The following NAALADL2 variants were observed in gnomAD, a reference collection of about 807,000 sequenced individuals.
The protein encoded by NAALADL2 is N-acetylated alpha-linked acidic dipeptidase like 2, also known as inactive N-acetylated-alpha-linked acidic dipeptidase-like protein 2.
A neutral mutation model predicts 87.2 loss-of-function variants in NAALADL2; 76 were observed. The observed-to-expected ratio is 0.87, with a 90% CI of 0.72 to 1.05. The LOEUF (loss-of-function observed/expected upper bound fraction) is 1.05, where lower values mean the gene tolerates loss of function less well. Among genes scored for constraint, NAALADL2 ranks in the 50% least tolerant of loss-of-function variants. NAALADL2 has a pLI of 0.00. For synonymous variants in NAALADL2, 354 were observed against 331.0 expected, an observed-to-expected ratio of 1.07 and a Z score of -0.75; for missense variants, 1,089 against 945.8, an observed-to-expected ratio of 1.15 and a Z score of -1.99.
rs145048722 is a variant in NAALADL2 at position 175,029,409 on chromosome 3, A to T, written c.44-67381A>T. Among the ~76,000 whole-genome samples the T allele has an allele frequency of 5.5e-4, 83 of 152,132 alleles. 1 individual carries two copies. The East Asian group carries it at 0.016, about 28-fold the overall frequency. On this transcript the variant is annotated intron_variant, in intron 1 of 13. Coordinates refer to ENST00000454872, the MANE Select transcript of NAALADL2 (RefSeq NM_207015.3). Reference sequence around the variant, plus strand: ...TGACTGGTTTCTTGCCAAAGCTTGCACCAGGCAAGGTTTACTAAAAACACA... The same window carrying T: ...TGACTGGTTTCTTGCCAAAGCTTGCTCCAGGCAAGGTTTACTAAAAACACA...
intron 12 of NAALADL2, among the ~76,000 whole-genome samples, chr3:175,740,985 A>G (rs189462962): frequency 1.3e-5 from 2 of 152,296 alleles, no homozygotes; most frequent in East Asian, 3.9e-4. Flanking sequence ...TATTTTGATG[A>G]CAGTGATCTA....
At chr3:175,740,416 C>T (rs918844666) in intron 12 of NAALADL2, among the ~76,000 whole-genome samples, 1 of 152,226 alleles carries the variant, frequency 6.6e-6, no homozygotes. Context: ...AGTGACTCCA[C>T]CTTGAATGAG....
At chr3:175,333,318 G>A (rs1265357112) in intron 5 of NAALADL2, among the ~76,000 whole-genome samples, 1 of 152,208 alleles carries the variant, frequency 6.6e-6, no homozygotes, top group Non-Finnish European at 1.5e-5. Flanking sequence ...CTGTGTTGCA[G>A]CCCTATTTCT....
intron 9 of NAALADL2, among the ~76,000 whole-genome samples, chr3:175,519,721 G>A (rs892400736): frequency 3.3e-5 from 5 of 152,004 alleles, no homozygotes; most frequent in African/African-American, 7.2e-5. Flanking sequence ...AAGATAAGGT[G>A]TATCACTAGA....
At chr3:174,965,966 G>T (rs566592302) in intron 1 of NAALADL2, among the ~76,000 whole-genome samples, 2 of 152,090 alleles carry the variant, frequency 1.3e-5, no homozygotes, top group African/African-American at 4.8e-5. Context: ...CAATGAATTT[G>T]CTATGGAAGT....
chr3:175,006,568 A>AT lies in NAALADL2; in HGVS notation c.44-90213dup, dbSNP rs201770964. On this transcript the variant is annotated intron_variant, in intron 1 of 13. Coordinates refer to ENST00000454872, the MANE Select transcript of NAALADL2 (RefSeq NM_207015.3). ...AAATGCAGTTATAGCTGGTGCAAGTATTTTTTTTTCTTGTTTCTTTTTTTT... is the reference window on the plus strand; with the variant it reads ...AAATGCAGTTATAGCTGGTGCAAGTATTTTTTTTTTCTTGTTTCTTTTTTTT... Among the ~76,000 whole-genome samples, 1,118 of 150,018 alleles carry AT rather than the reference A, an allele frequency of 7.5e-3. 6 individuals are homozygous for AT. The highest frequency in any genetic ancestry group is 0.021 in the Middle Eastern group (6 of 290).
intron 1 of NAALADL2, among the ~76,000 whole-genome samples, chr3:175,074,435 G>A (rs1716218365): frequency 6.6e-6 from 1 of 151,770 alleles, no homozygotes; most frequent in African/African-American, 2.4e-5. Flanking sequence ...TAGCATCCTG[G>A]GTACTACTGT....
intron 2 of NAALADL2, among the ~76,000 whole-genome samples, chr3:175,148,119 AT>A (rs1731038493): frequency 6.8e-6 from 1 of 147,360 alleles, no homozygotes; most frequent in Non-Finnish European, 1.5e-5. Context: ...AATAATAATA[AT>A]AATAAAATAA....
At chr3:175,684,631 TAAAC>T (rs935990014) in intron 11 of NAALADL2, among the ~76,000 whole-genome samples, 20 of 151,932 alleles carry the variant, frequency 1.3e-4, no homozygotes, top group South Asian at 8.3e-4. Context: ...CCATCTCTAC[TAAAC>T]AAACAAACAA....
chr3:174,592,339 A>G (rs1195743245), intron 2 of NAALADL2, among the ~76,000 whole-genome samples: 1 of 152,228 alleles, frequency 6.6e-6, no homozygotes, highest in East Asian at 1.9e-4. Flanking sequence ...GTATGTCTCA[A>G]AAACAGCCAT....
chr3:175,313,535 A>T (rs1758652643), intron 4 of NAALADL2, among the ~76,000 whole-genome samples: 1 of 152,090 alleles, frequency 6.6e-6, no homozygotes. Context: ...TGACCAGCAA[A>T]AGTAAAAAGA....
intron 11 of NAALADL2, among the ~76,000 whole-genome samples, chr3:175,674,150 C>G (rs767447579): frequency 6.6e-6 from 1 of 152,056 alleles, no homozygotes; most frequent in African/African-American, 2.4e-5. Flanking sequence ...CTCTGAATCC[C>G]AAACCCTAAT....
chr3:175,568,996 C>T (rs779415560), intron 9 of NAALADL2, among the ~76,000 whole-genome samples: 4 of 152,052 alleles, frequency 2.6e-5, no homozygotes, highest in African/African-American at 4.8e-5. Context: ...TTACTGGGTG[C>T]GTGGCCTGTT....
chr3:174,483,123 C>T (rs1246797501), intron 1 of NAALADL2, among the ~76,000 whole-genome samples: 2 of 151,976 alleles, frequency 1.3e-5, no homozygotes, highest in Admixed American at 6.6e-5. Flanking sequence ...TTACCAGTTA[C>T]CCTGGTAACT....
intron 10 of NAALADL2, among the ~76,000 whole-genome samples, chr3:175,612,186 T>C (rs1024201381): frequency 3.3e-5 from 5 of 152,170 alleles, no homozygotes; most frequent in African/African-American, 4.8e-5. Context: ...GTCATTCATA[T>C]GTTGCCAAAT....
At chr3:175,707,008 T>C (rs1020701029) in intron 11 of NAALADL2, among the ~76,000 whole-genome samples, 1 of 152,116 alleles carries the variant, frequency 6.6e-6, no homozygotes, top group Non-Finnish European at 1.5e-5. Context: ...AACAAAAAAG[T>C]TTGGCATTAT....
At chr3:174,568,693 C>T (rs1013190709) in intron 2 of NAALADL2, among the ~76,000 whole-genome samples, 3 of 151,584 alleles carry the variant, frequency 2.0e-5, no homozygotes, top group Non-Finnish European at 3.0e-5. Flanking sequence ...TCGGTCTTAT[C>T]AGCCACTGAG....
At position 175,377,226 on chromosome 3, in the gene NAALADL2, C is replaced by T. The variant is rs13100818; in HGVS notation, c.1090+52901C>T. Among the ~76,000 whole-genome samples the T allele has an allele frequency of 7.6e-3, 1,156 of 152,070 alleles. 6 individuals carry two copies. The highest frequency in any genetic ancestry group is 0.012 in the Non-Finnish European group (833 of 67,974). ...ACTTGGGAGGCTAAGGCTCGAGAAT[C>T]GAATGAACCCAGGAGGCAGAGGATG... On this transcript the variant is annotated intron_variant, in intron 5 of 13. Transcript: ENST00000454872.
intron 2 of NAALADL2, among the ~76,000 whole-genome samples, chr3:174,610,720 A>G (rs1338336003): frequency 2.3e-5 from 3 of 129,742 alleles, no homozygotes; most frequent in East Asian, 5.2e-4. Context: ...TGTTGTTGGG[A>G]CCGTAAACTA....
Sources: allele counts gnomAD v4.1 joint callset (sites outside exome capture counted in the v4.1 genomes callset), GRCh38; gene constraint gnomAD v4.1.1; transcripts MANE v1.5; gene names NCBI Gene and HGNC (gene_info 2026-07-23, HGNC 2026-07-21).